Variants in ELMOD1 observed in about 807,000 individuals in gnomAD.
ELMOD1 encodes ELMO domain-containing protein 1.
A neutral mutation model predicts 46.7 loss-of-function variants in ELMOD1; 21 were observed. The observed-to-expected ratio is 0.45, with a 90% CI of 0.32 to 0.65. ELMOD1 has a LOEUF of 0.65. Ranked by LOEUF, ELMOD1 falls within the 30% of genes least tolerant of loss-of-function variation. ELMOD1 has a pLI of 0.04. For missense variants in ELMOD1, 348 were observed against 407.8 expected (o/e 0.85, Z 1.26); for synonymous variants, 122 against 138.2 (o/e 0.88, Z 0.82).
intron 4 of ELMOD1, among the ~76,000 whole-genome samples, chr11:107,631,233 C>T (rs747294265): frequency 2.6e-5 from 4 of 151,990 alleles, no homozygotes; most frequent in African/African-American, 4.8e-5. Context: ...GTGCCTCACT[C>T]TTTAGTCATA....
At chr11:107,660,368 A>G (rs753497105) in intron 11 of ELMOD1, among the ~76,000 whole-genome samples, 1 of 152,224 alleles carries the variant, frequency 6.6e-6, no homozygotes, top group Non-Finnish European at 1.5e-5. Flanking sequence ...GTGAACACTG[A>G]GCTGCCAAGG....
intron 1 of ELMOD1, among the ~76,000 whole-genome samples, chr11:107,610,998 CAAAAAAAAAAAAA>C (rs58417281): frequency 1.0e-5 from 1 of 95,798 alleles, no homozygotes. Flanking sequence ...TGTAAGAATC[CAAAAAAAAAAAAA>C]AAAAAAGAAA....
rs576890478 is a variant in ELMOD1, at chr11:107,623,843, T to G, written c.17+5637T>G. 4 of 152,332 alleles carry G rather than the reference T, an allele frequency of 2.6e-5. No individual in the cohort carries two copies. The East Asian group carries it at 7.7e-4, about 29-fold the overall frequency. 9.4% of individuals were successfully genotyped at this position (152,332 alleles called of 1,614,324 possible). ...CACTGCCATATCTCCCACTCTCATT[T>G]CTTCTGTACTGCACGGTCAGTCTTA... On this transcript the variant is annotated intron_variant, in intron 2 of 11. Transcript: ENST00000265840.
At chr11:107,626,560 A>ACTTCCC (rs1489175080) in intron 2 of ELMOD1, among the ~76,000 whole-genome samples, 1 of 46,082 alleles carries the variant, frequency 2.2e-5, no homozygotes, top group African/African-American at 8.6e-5. Flanking sequence ...CCTGTCCCCC[A>ACTTCCC]CTTCCCCTTC....
intron 1 of ELMOD1, among the ~76,000 whole-genome samples, chr11:107,611,049 G>GCC (rs1321296068): frequency 6.9e-6 from 1 of 144,400 alleles, no homozygotes; most frequent in African/African-American, 2.6e-5. Context: ...CTGGATATCA[G>GCC]CCTTGGGAAA....
chr11:107,658,576 C>A (rs537925544), intron 11 of ELMOD1, among the ~76,000 whole-genome samples: 2 of 152,202 alleles, frequency 1.3e-5, no homozygotes, highest in Admixed American at 1.3e-4. Context: ...ACAAAAAAGT[C>A]TTTAAAAAAA....
At chr11:107,611,276 T>C (rs1865776191) in intron 1 of ELMOD1, among the ~76,000 whole-genome samples, 1 of 152,236 alleles carries the variant, frequency 6.6e-6, no homozygotes. Context: ...AAAGAAATTA[T>C]TGACAAAGTA....
At chr11:107,601,975 C>T (rs1313620981) in intron 1 of ELMOD1, among the ~76,000 whole-genome samples, 1 of 152,076 alleles carries the variant, frequency 6.6e-6, no homozygotes, top group African/African-American at 2.4e-5. Context: ...TTTTCTGATT[C>T]CTGGGTCCAA....
chr11:107,663,805 A>T (rs533291004), intron 11 of ELMOD1, among the ~76,000 whole-genome samples: 1 of 152,270 alleles, frequency 6.6e-6, no homozygotes, highest in South Asian at 2.1e-4. Context: ...GTACTATTAG[A>T]ATTAAGTGTG....
chr11:107,644,402 C>G (rs1866381055), intron 6 of ELMOD1, among the ~76,000 whole-genome samples: 1 of 152,090 alleles, frequency 6.6e-6, no homozygotes, highest in Admixed American at 6.5e-5. Flanking sequence ...TGTCACCCAC[C>G]TACGGAAATG....
chr11:107,662,564 C>T (rs569286157), intron 11 of ELMOD1, among the ~76,000 whole-genome samples: 2 of 149,518 alleles, frequency 1.3e-5, no homozygotes, highest in Non-Finnish European at 2.9e-5. Flanking sequence ...GAGCCAAGAT[C>T]GTGCCATTGC....
rs1029291635 is a variant in ELMOD1 at position 107,655,495 on chromosome 11, G to A, written c.699-438G>A. ...ATTACAAAAGTCAAGGTTTTGATAG[G>A]GTGGGGACGGAAGGGTGACCTGCCA... On this transcript the variant is annotated intron_variant, in intron 10 of 11. Coordinates refer to ENST00000265840, the MANE Select transcript of ELMOD1 (RefSeq NM_018712.4). Among the ~76,000 whole-genome samples, 40 of 151,314 alleles carry A rather than the reference G, an allele frequency of 2.6e-4. 1 individual carries two copies. The highest frequency in any genetic ancestry group is 9.7e-4 in the African/African-American group (40 of 41,102).
chr11:107,645,333 TG>T (rs1158975459), intron 6 of ELMOD1, among the ~76,000 whole-genome samples: 1 of 151,996 alleles, frequency 6.6e-6, no homozygotes, highest in Non-Finnish European at 1.5e-5. Context: ...TTTTGTTTTT[TG>T]TTTTTTTTAG....
chr11:107,666,636 A>G lies in ELMOD1; in HGVS notation c.*1439A>G, dbSNP rs1041268637. 1 of 152,638 alleles carries G rather than the reference A, an allele frequency of 6.6e-6. No individual in the cohort carries two copies. 9.5% of individuals were successfully genotyped at this position (152,638 alleles called of 1,614,324 possible). A position where few individuals can be genotyped will look rare whatever the true frequency, so the allele number is the denominator to read the frequency against. On this transcript the variant is annotated 3_prime_UTR_variant, in exon 12 of 12. Coordinates refer to ENST00000265840, the MANE Select transcript of ELMOD1 (RefSeq NM_018712.4). ...TGAATAGTATTTACCATGGCATTTCATACCCATGGTATTTTATACCTTCTG... is the reference window on the plus strand; with the variant it reads ...TGAATAGTATTTACCATGGCATTTCGTACCCATGGTATTTTATACCTTCTG...
chr11:107,632,431 T>G (rs2135690475), intron 5 of ELMOD1, among the ~76,000 whole-genome samples: 1 of 152,328 alleles, frequency 6.6e-6, no homozygotes, highest in Non-Finnish European at 1.5e-5. Flanking sequence ...CTTTTATTAA[T>G]AATTACAGGA....
chr11:107,649,427 T>C (rs1047796906), intron 7 of ELMOD1, among the ~76,000 whole-genome samples: 13 of 152,196 alleles, frequency 8.5e-5, no homozygotes, highest in African/African-American at 2.9e-4. Flanking sequence ...GAGATAAGAC[T>C]GACACATAAA....
At chr11:107,643,930 G>T (rs1866371250) in intron 6 of ELMOD1, 1 of 168,580 alleles carries the variant, frequency 5.9e-6, no homozygotes, top group Non-Finnish European at 1.3e-5. Flanking sequence ...CATTTGTCTA[G>T]CCTTTCATGA....
At chr11:107,614,172 A>G (rs617685) in intron 1 of ELMOD1, among the ~76,000 whole-genome samples, 16,053 of 152,058 alleles carry the variant, frequency 0.11, 1,905 homozygotes, top group African/African-American at 0.3. Flanking sequence ...CTACCTTCTA[A>G]CTATCTCTCA....
intron 7 of ELMOD1, among the ~76,000 whole-genome samples, chr11:107,649,663 T>C (rs907895082): frequency 3.9e-5 from 6 of 152,168 alleles, no homozygotes; most frequent in Non-Finnish European, 4.4e-5. Context: ...GAGAGGAAAT[T>C]CAAGAACTTC....
Sources: allele counts gnomAD v4.1 joint callset (sites outside exome capture counted in the v4.1 genomes callset), GRCh38; gene constraint gnomAD v4.1.1; transcripts MANE v1.5; gene names NCBI Gene and HGNC (gene_info 2026-07-23, HGNC 2026-07-21).